MAPKAPK5: variants seen among roughly 807,000 people sequenced by gnomAD.
MAPKAPK5 encodes MAPK activated protein kinase 5, also known as MAP kinase-activated protein kinase 5.
Under a neutral mutation model 65.1 loss-of-function variants are expected in MAPKAPK5, and 30 were observed. The ratio of observed to expected loss-of-function variants is 0.46; its 90% CI spans 0.34 to 0.63. The LOEUF (loss-of-function observed/expected upper bound fraction) is 0.63. Among genes scored for constraint, MAPKAPK5 ranks in the 20% least tolerant of loss-of-function variants. The pLI, the probability that MAPKAPK5 is intolerant of heterozygous loss-of-function variation, is 0.01. For missense variants in MAPKAPK5, 433 were observed against 581.4 expected, an observed-to-expected ratio of 0.74 and a Z score of 2.63; for synonymous variants, 179 against 204.6, an observed-to-expected ratio of 0.87 and a Z score of 1.07.
At position 111,858,751 on chromosome 12, in the gene MAPKAPK5, C is replaced by T. The variant is rs1294545489; in HGVS notation, c.37-6499C>T. 8.2e-5 allele frequency among the ~76,000 whole-genome samples: 12 copies of T among 146,236 alleles called. 2 individuals carry two copies. Among genetic ancestry groups the T allele is most frequent in the African/African-American group, 3.1e-4 (12 of 39,252 alleles). On this transcript the variant is annotated intron_variant, in intron 1 of 13. Transcript: ENST00000550735. ...AGAGACGGGGTTTCACTGTGTTGGC[C>T]GGGCTGGTCTCGAGCTCCTGACCTC...
chr12:111,891,677 T>C (rs978400226), intron 13 of MAPKAPK5, among the ~76,000 whole-genome samples: 2 of 148,438 alleles, frequency 1.3e-5, no homozygotes, highest in African/African-American at 2.5e-5. Flanking sequence ...CATGGTGGCA[T>C]GCGCCTGTAG....
intron 5 of MAPKAPK5, among the ~76,000 whole-genome samples, chr12:111,869,350 G>A (rs1288641606): frequency 6.6e-6 from 1 of 151,972 alleles, no homozygotes; most frequent in Non-Finnish European, 1.5e-5. Flanking sequence ...ATTATTCCTG[G>A]TTATATTCTA....
At chr12:111,857,286 G>C (rs1281204636) in intron 1 of MAPKAPK5, among the ~76,000 whole-genome samples, 1 of 149,992 alleles carries the variant, frequency 6.7e-6, no homozygotes, top group Admixed American at 6.6e-5. Flanking sequence ...CCGTTGCTTA[G>C]GCTAGAGTGC....
intron 8 of MAPKAPK5, among the ~76,000 whole-genome samples, chr12:111,881,851 G>A (rs2070243472): frequency 6.6e-6 from 1 of 152,220 alleles, no homozygotes; most frequent in Non-Finnish European, 1.5e-5. Context: ...TGGTAAAAAG[G>A]CAGTAGGCTG....
intron 1 of MAPKAPK5, among the ~76,000 whole-genome samples, chr12:111,861,709 T>G (rs1025804639): frequency 6.6e-6 from 1 of 152,204 alleles, no homozygotes; most frequent in Non-Finnish European, 1.5e-5. Flanking sequence ...GAACAGTGTT[T>G]AGAAAAGCAA....
At chr12:111,844,338 G>A (rs1448927163) in intron 1 of MAPKAPK5, among the ~76,000 whole-genome samples, 2 of 151,486 alleles carry the variant, frequency 1.3e-5, no homozygotes, top group Non-Finnish European at 2.9e-5. Context: ...CTACAGGCAC[G>A]TGCCACCACA....
intron 1 of MAPKAPK5, among the ~76,000 whole-genome samples, chr12:111,847,519 A>C (rs1363893572): frequency 6.6e-6 from 1 of 152,110 alleles, no homozygotes; most frequent in Non-Finnish European, 1.5e-5. Flanking sequence ...AGGGATTCTT[A>C]CATATTGTTT....
At chr12:111,876,756 T>A (rs1439601064) in intron 7 of MAPKAPK5, among the ~76,000 whole-genome samples, 1 of 152,080 alleles carries the variant, frequency 6.6e-6, no homozygotes, top group East Asian at 1.9e-4. Flanking sequence ...CTTTCATCCT[T>A]TTTTTTCTTT....
intron 8 of MAPKAPK5, among the ~76,000 whole-genome samples, chr12:111,881,686 G>T (rs965986261): frequency 3.3e-4 from 50 of 152,114 alleles, no homozygotes; most frequent in Non-Finnish European, 4.6e-4. Context: ...GATTACAGGC[G>T]TGAGCCACCG....
At chr12:111,880,657 C>A in intron 8 of MAPKAPK5, 130 bp downstream of exon 8, 1 of 712,580 alleles carries the variant, frequency 1.4e-6, no homozygotes, top group Non-Finnish European at 2.4e-6. Context: ...AAGAAGCAGC[C>A]AGACTCGCAG....
At chr12:111,856,835 G>A (rs2069257662) in intron 1 of MAPKAPK5, among the ~76,000 whole-genome samples, 1 of 152,144 alleles carries the variant, frequency 6.6e-6, no homozygotes, top group African/African-American at 2.4e-5. Flanking sequence ...AGAGAGAAAG[G>A]AATAAAATAT....
rs1404116239 is a variant in MAPKAPK5, at chr12:111,900,000, A to G, written c.*6939A>G. The G allele has an allele frequency of 6.6e-6, 3 of 455,922 alleles. No homozygotes were observed. Among genetic ancestry groups the G allele is most frequent in the African/African-American group, 6.0e-5 (3 of 50,062 alleles). 28.2% of individuals were successfully genotyped at this position (455,922 alleles called of 1,614,324 possible). ...CGTGGTCAACAACCAGCGGTTCCAG[A>G]TGTGGGGCAGTAACGTCAATGAGAC... is the stretch of plus-strand genomic sequence containing the variant. On this transcript the variant is annotated 3_prime_UTR_variant, in exon 14 of 14. Transcript: ENST00000550735.
chr12:111,862,976 T>C (rs7976557), intron 1 of MAPKAPK5, among the ~76,000 whole-genome samples: 29,684 of 152,006 alleles, frequency 0.2, 3,111 homozygotes, highest in Middle Eastern at 0.27. Context: ...GTGAAGGAAG[T>C]AGGCAGGTTA....
At chr12:111,884,876 G>T (rs987747356) in intron 9 of MAPKAPK5, among the ~76,000 whole-genome samples, 1 of 152,164 alleles carries the variant, frequency 6.6e-6, no homozygotes, top group Non-Finnish European at 1.5e-5. Context: ...TTGTCCTGTT[G>T]ATTAGAAGGT....
intron 7 of MAPKAPK5, among the ~76,000 whole-genome samples, chr12:111,874,608 G>A (rs566617327): frequency 3.5e-4 from 51 of 147,518 alleles, no homozygotes; most frequent in African/African-American, 1.2e-3. Context: ...GATGACAGGC[G>A]CCCGCCACCA....
Position 111,898,277 on chromosome 12 carries a change from TCCTG to T in MAPKAPK5, c.*5220_*5223del, listed in dbSNP as rs1226053435. 6.6e-6 allele frequency: 1 copy of T among 152,004 alleles called. No homozygotes were observed. The highest frequency in any genetic ancestry group is 1.5e-5 in the Non-Finnish European group (1 of 68,056). 9.4% of individuals were successfully genotyped at this position (152,004 alleles called of 1,614,324 possible). ...TACGCCTCCTGGGTTCAAGCGATTC[TCCTG>T]CCTCACCTTCCTGAGTAGCTGAGAT... is the stretch of plus-strand genomic sequence containing the variant. On this transcript the variant is annotated 3_prime_UTR_variant, in exon 14 of 14. Transcript: ENST00000550735.
chr12:111,848,055 G>A (rs570888430), intron 1 of MAPKAPK5, among the ~76,000 whole-genome samples: 1 of 152,314 alleles, frequency 6.6e-6, no homozygotes, highest in Admixed American at 6.5e-5. Flanking sequence ...AACTGTACAA[G>A]TTTTGTGTGA....
chr12:111,896,599 C>G lies in MAPKAPK5; in HGVS notation c.*3538C>G, dbSNP rs988314430. 1.3e-5 allele frequency: 2 copies of G among 152,186 alleles called. No individual in the cohort carries two copies. The highest frequency in any genetic ancestry group is 2.4e-5 in the African/African-American group (1 of 41,426). 9.4% of individuals were successfully genotyped at this position (152,186 alleles called of 1,614,324 possible). On this transcript the variant is annotated 3_prime_UTR_variant, in exon 14 of 14. Coordinates refer to ENST00000550735, the MANE Select transcript of MAPKAPK5 (RefSeq NM_003668.4). ...TCATATTTTTTGGCCTAACAAACAC[C>G]TATACCTGTGGAAACATAACACTGT...
intron 9 of MAPKAPK5, among the ~76,000 whole-genome samples, chr12:111,884,610 T>G (rs1377110557): frequency 6.6e-6 from 1 of 152,220 alleles, no homozygotes; most frequent in Non-Finnish European, 1.5e-5. Flanking sequence ...GCTGTAGGAC[T>G]AGGTAAGAAG....
Sources: allele counts gnomAD v4.1 joint callset (sites outside exome capture counted in the v4.1 genomes callset), GRCh38; gene constraint gnomAD v4.1.1; transcripts MANE v1.5; gene names NCBI Gene and HGNC (gene_info 2026-07-23, HGNC 2026-07-21).